ASCC1: variants seen among roughly 807,000 people sequenced by gnomAD.
ASCC1 encodes ASC-1 complex subunit P50.
Under a neutral mutation model 46.6 loss-of-function variants are expected in ASCC1, and 35 were observed. That is an observed-to-expected ratio of 0.75 (90% confidence interval 0.57 to 0.99). ASCC1 has a LOEUF of 0.99. Ranked by LOEUF, ASCC1 falls within the 50% of genes least tolerant of loss-of-function variation. The pLI is 0.00. For missense variants in ASCC1, 376 were observed against 428.7 expected (o/e 0.88, Z 1.09); for synonymous variants, 143 against 146.6 (o/e 0.98, Z 0.18).
At chr10:72,112,144 C>T (rs1460336822) in intron 9 of ASCC1, among the ~76,000 whole-genome samples, 1 of 152,182 alleles carries the variant, frequency 6.6e-6, no homozygotes, top group African/African-American at 2.4e-5. Flanking sequence ...GCCCTGTCAC[C>T]ATCTCTGGGT....
intron 9 of ASCC1, among the ~76,000 whole-genome samples, chr10:72,120,541 T>C (rs1844072294): frequency 6.7e-6 from 1 of 149,926 alleles, no homozygotes; most frequent in African/African-American, 2.5e-5. Context: ...TAATGTCAGA[T>C]TCCAAACCAC....
In ASCC1 at chr10:72,151,361, C is replaced by T. The variant is rs770560255; in HGVS notation, c.746+1508G>A. On this transcript the variant is annotated intron_variant, in intron 7 of 9. Coordinates refer to ENST00000672957, the MANE Select transcript of ASCC1 (RefSeq NM_001198800.3). ...TATGCAAGGACAGAAAACCAAACAC[C>T]GCATGTTCTCACTCATAGGTGGGAA... 9.9e-5 allele frequency among the ~76,000 whole-genome samples: 15 copies of T among 151,800 alleles called. No individual in the cohort carries two copies. In the East Asian group the frequency reaches 1.2e-3, roughly 12 times the overall value.
At chr10:72,158,096 T>A (rs890972604) in intron 6 of ASCC1, among the ~76,000 whole-genome samples, 4 of 152,206 alleles carry the variant, frequency 2.6e-5, no homozygotes, top group Non-Finnish European at 5.9e-5. Context: ...AAGCCTGCTT[T>A]ATGAGCAGAA....
chr10:72,117,584 G>A (rs973092862), intron 9 of ASCC1, among the ~76,000 whole-genome samples: 8 of 152,114 alleles, frequency 5.3e-5, no homozygotes, highest in African/African-American at 1.9e-4. Flanking sequence ...ATATATGTGA[G>A]TGCATATATG....
At chr10:72,103,201 C>G (rs1478352243) in intron 9 of ASCC1, among the ~76,000 whole-genome samples, 1 of 151,348 alleles carries the variant, frequency 6.6e-6, no homozygotes, top group Non-Finnish European at 1.5e-5. Context: ...GGCGCGATCT[C>G]AGCTCACTGC....
chr10:72,204,063 A>G (rs1469696075), intron 3 of ASCC1, among the ~76,000 whole-genome samples: 1 of 152,212 alleles, frequency 6.6e-6, no homozygotes, highest in Non-Finnish European at 1.5e-5. Flanking sequence ...AGCCTGGCCA[A>G]CATGGCAAAA....
rs367554892 is a variant in ASCC1, at chr10:72,196,960, T to C, written c.340A>G (p.Ile114Val). The change falls in exon 5 of 10, where the codon ATT (isoleucine) becomes GTT (valine). Residue 114 changes from isoleucine (I) to valine (V), a missense_variant. Physicochemically the swap from Ile to Val is conservative, Grantham distance 29 (BLOSUM62 3). Coordinates refer to ENST00000672957, the MANE Select transcript of ASCC1 (RefSeq NM_001198800.3). Reference protein sequence around the residue: ...VITGQHRNGVISARTRIDVLL... With the variant: ...VITGQHRNGVVSARTRIDVLL... ...ACATCAATCCGTGTTCGGGCTGAAA[T>C]TACACCATTTCGATGCTGGCCAGTG... is the stretch of plus-strand genomic sequence containing the variant. The C allele has an allele frequency of 3.7e-6, 6 of 1,613,588 alleles. No individual in the cohort carries two copies. Among genetic ancestry groups the C allele is most frequent in the Admixed American group, 1.7e-5 (1 of 59,984 alleles).
In ASCC1 at chr10:72,164,452, T is replaced by C. The variant is rs563218670; in HGVS notation, c.490-2778A>G. ...ATGTTTTCAAGGTTCATCCAAGCTG[T>C]AGCATTATCACTCCTTCACTCCTTT... On this transcript the variant is annotated intron_variant, in intron 5 of 9. Coordinates refer to ENST00000672957, the MANE Select transcript of ASCC1 (RefSeq NM_001198800.3). 1.2e-3 allele frequency among the ~76,000 whole-genome samples: 183 copies of C among 152,364 alleles called. 7 individuals carry two copies. The South Asian group carries it at 0.036, about 30-fold the overall frequency.
At chr10:72,149,028 G>A (rs1028714567) in intron 7 of ASCC1, among the ~76,000 whole-genome samples, 1 of 152,080 alleles carries the variant, frequency 6.6e-6, no homozygotes, top group Admixed American at 6.6e-5. Context: ...GAATGCAGAA[G>A]CAGGTATGAG....
intron 5 of ASCC1, among the ~76,000 whole-genome samples, chr10:72,193,441 ACAAAAC>A (rs1401155013): frequency 9.1e-6 from 1 of 109,606 alleles, no homozygotes; most frequent in African/African-American, 5.0e-5. Context: ...CAAATAATAA[ACAAAAC>A]ACACACACAC....
intron 9 of ASCC1, among the ~76,000 whole-genome samples, chr10:72,116,294 T>G (rs1003887477): frequency 6.6e-6 from 1 of 152,246 alleles, no homozygotes; most frequent in African/African-American, 2.4e-5. Flanking sequence ...TTTTTGTTCT[T>G]TGTAATGTAG....
intron 7 of ASCC1, among the ~76,000 whole-genome samples, chr10:72,136,260 C>A (rs577594539): frequency 5.3e-5 from 8 of 152,090 alleles, no homozygotes; most frequent in Non-Finnish European, 1.2e-4. Context: ...TGTAAATGCA[C>A]CAATCGGCAC....
At chr10:72,098,142 T>C (rs921784539) in intron 9 of ASCC1, among the ~76,000 whole-genome samples, 1 of 152,178 alleles carries the variant, frequency 6.6e-6, no homozygotes, top group African/African-American at 2.4e-5. Context: ...CTTTCAAAAG[T>C]GTGTCAGAGT....
At chr10:72,203,286 C>CAAAA in intron 4 of ASCC1, 141 bp downstream of exon 4, 10 of 570,324 alleles carry the variant, frequency 1.8e-5, no homozygotes, top group African/African-American at 7.2e-5. Context: ...AACTCCGTCT[C>CAAAA]AAAAAAAAAA....
intron 5 of ASCC1, among the ~76,000 whole-genome samples, chr10:72,175,363 A>G (rs757317471): frequency 6.6e-6 from 1 of 152,230 alleles, no homozygotes; most frequent in Non-Finnish European, 1.5e-5. Context: ...CACTAGACAA[A>G]TGCCATCTTT....
intron 3 of ASCC1, chr10:72,204,596 G>A (rs985037437): frequency 9.5e-6 from 14 of 1,480,844 alleles, no homozygotes; most frequent in Admixed American, 2.2e-5. Flanking sequence ...TGTCATCAAC[G>A]TTATTTTAAC....
chr10:72,119,792 G>C (rs1020718575), intron 9 of ASCC1, among the ~76,000 whole-genome samples: 1 of 152,030 alleles, frequency 6.6e-6, no homozygotes, highest in Non-Finnish European at 1.5e-5. Flanking sequence ...GAAATGGCAG[G>C]CGTGCTGGAA....
intron 9 of ASCC1, among the ~76,000 whole-genome samples, chr10:72,126,200 AT>A (rs1345899230): frequency 6.6e-6 from 1 of 152,174 alleles, no homozygotes; most frequent in Non-Finnish European, 1.5e-5. Flanking sequence ...TCTGATTCAG[AT>A]TCTGCTACTA....
chr10:72,204,473 C>G, intron 3 of ASCC1: 1 of 1,550,436 alleles, frequency 6.4e-7, no homozygotes, highest in Non-Finnish European at 8.7e-7. Context: ...CTTCTGGAAC[C>G]CACAGTCGTT....
Sources: gnomAD v4.1 joint callset for allele counts (sites outside exome capture counted in the v4.1 genomes callset) on GRCh38, gnomAD v4.1.1 for gene constraint, MANE v1.5 for transcripts, NCBI Gene and HGNC (gene_info 2026-07-23, HGNC 2026-07-21) for gene names.